Variants in GPHN observed in about 807,000 individuals in gnomAD.
The protein encoded by GPHN is gephyrin.
A neutral mutation model predicts 95.5 loss-of-function variants in GPHN; 17 were observed. The observed-to-expected ratio is 0.18, with a 90% CI of 0.12 to 0.27. GPHN has a LOEUF of 0.27. Among genes scored for constraint, GPHN ranks in the 10% least tolerant of loss-of-function variants. The pLI is 1.00. For synonymous variants in GPHN, 320 were observed against 322.5 expected, an observed-to-expected ratio of 0.99 and a Z score of 0.08; for missense variants, 660 against 978.1, an observed-to-expected ratio of 0.67 and a Z score of 4.34.
chr14:66,579,198 G>A (rs1414416902), intron 1 of GPHN, among the ~76,000 whole-genome samples: 1 of 151,776 alleles, frequency 6.6e-6, no homozygotes, highest in Non-Finnish European at 1.5e-5. Context: ...AAGAGCTACA[G>A]TAGATACATA....
the GPHN span, among the ~76,000 whole-genome samples, chr14:67,430,320 G>A: frequency 2.6e-5 from 4 of 152,152 alleles, no homozygotes; most frequent in Non-Finnish European, 4.4e-5. Flanking sequence ...ACGGGCCTAG[G>A]GAGGAAAAAT....
the GPHN span, among the ~76,000 whole-genome samples, chr14:67,288,144 A>C: frequency 1.3e-5 from 2 of 151,884 alleles, no homozygotes; most frequent in Non-Finnish European, 2.9e-5. Flanking sequence ...CAGTGGTGCG[A>C]TCTCCGCTCA....
At chr14:66,716,258 C>A (rs1436687095) in intron 2 of GPHN, among the ~76,000 whole-genome samples, 1 of 151,880 alleles carries the variant, frequency 6.6e-6, no homozygotes, top group Non-Finnish European at 1.5e-5. Context: ...ATATAATGTC[C>A]CTCTTTGTCT....
At chr14:67,404,635 C>T in the GPHN span, among the ~76,000 whole-genome samples, 1 of 151,996 alleles carries the variant, frequency 6.6e-6, no homozygotes, top group South Asian at 2.1e-4. Flanking sequence ...CACAGCAATA[C>T]CTAGTCTCTA....
At chr14:67,579,251 C>T in the GPHN span, 1 of 1,602,380 alleles carries the variant, frequency 6.2e-7, no homozygotes, top group Non-Finnish European at 8.5e-7. Flanking sequence ...TGCTGCGTAA[C>T]CCCTTCCACC....
At chr14:66,585,550 A>C (rs1305762879) in intron 1 of GPHN, among the ~76,000 whole-genome samples, 3 of 151,362 alleles carry the variant, frequency 2.0e-5, no homozygotes, top group Non-Finnish European at 3.0e-5. Flanking sequence ...CCCTCTACAC[A>C]CTGCTTTAAA....
At chr14:66,565,397 C>G (rs537242700) in intron 1 of GPHN, among the ~76,000 whole-genome samples, 1 of 152,086 alleles carries the variant, frequency 6.6e-6, no homozygotes, top group African/African-American at 2.4e-5. Context: ...CTCCCAGGCT[C>G]AAGTGATTCT....
chr14:67,060,027 A>G (rs1448883961), intron 11 of GPHN, among the ~76,000 whole-genome samples: 1 of 152,128 alleles, frequency 6.6e-6, no homozygotes, highest in Non-Finnish European at 1.5e-5. Context: ...TTTTCAGAAA[A>G]TATGAATGTA....
At chr14:66,731,220 C>T in intron 2 of GPHN, among the ~76,000 whole-genome samples, 1 of 152,100 alleles carries the variant, frequency 6.6e-6, no homozygotes. Context: ...ATACAGTAAA[C>T]TGGTAAAGTG....
chr14:67,662,925 T>G, the GPHN span: 1 of 1,165,804 alleles, frequency 8.6e-7, no homozygotes. Flanking sequence ...AAAAAAAGAA[T>G]GTTTACCAAT....
chr14:66,591,587 A>C (rs542424385), intron 1 of GPHN, among the ~76,000 whole-genome samples: 4 of 152,246 alleles, frequency 2.6e-5, no homozygotes, highest in South Asian at 2.1e-4. Flanking sequence ...CACTAAGAAT[A>C]CAACTTACAA....
At chr14:67,543,508 T>C in the GPHN span, among the ~76,000 whole-genome samples, 1 of 152,228 alleles carries the variant, frequency 6.6e-6, no homozygotes, top group Non-Finnish European at 1.5e-5. Flanking sequence ...CAGAACCACG[T>C]AGAGTGCTTG....
chr14:67,340,601 T>A, the GPHN span: 2 of 1,164,858 alleles, frequency 1.7e-6, no homozygotes, highest in East Asian at 2.4e-5. Context: ...ATAACAGTTA[T>A]TTTTTCCTAA....
intron 3 of GPHN, among the ~76,000 whole-genome samples, chr14:66,780,609 C>A (rs971840348): frequency 4.6e-5 from 7 of 150,788 alleles, no homozygotes; most frequent in African/African-American, 1.7e-4. Flanking sequence ...AAGCAGGATT[C>A]ATGGATGATA....
chr14:67,284,547 T>TAAAAGAAA, the GPHN span, among the ~76,000 whole-genome samples: 1 of 23,296 alleles, frequency 4.3e-5, no homozygotes, highest in Non-Finnish European at 9.8e-5. Flanking sequence ...GCTGCAGTGC[T>TAAAAGAAA]AAAAAAAAAA....
the GPHN span, chr14:67,302,329 G>GA: frequency 2.5e-6 from 3 of 1,180,942 alleles, no homozygotes; most frequent in Non-Finnish European, 3.3e-6. Context: ...TTGTTGAATG[G>GA]AAAAAATAGA....
chr14:67,432,394 C>T, the GPHN span, among the ~76,000 whole-genome samples: 9 of 152,216 alleles, frequency 5.9e-5, no homozygotes, highest in African/African-American at 1.9e-4. Context: ...CTGGAATGTG[C>T]CATAAATAGT....
intron 6 of GPHN, among the ~76,000 whole-genome samples, chr14:66,918,862 G>A (rs1358710889): frequency 3.9e-5 from 6 of 152,058 alleles, no homozygotes; most frequent in East Asian, 1.9e-4. Context: ...TACAAAGATA[G>A]GTCGAAAGAT....
chr14:66,811,410 A>G (rs2060756522), intron 3 of GPHN, among the ~76,000 whole-genome samples: 1 of 152,166 alleles, frequency 6.6e-6, no homozygotes, highest in African/African-American at 2.4e-5. Flanking sequence ...AAAGGTTTAA[A>G]ATTGGTTGTC....
Sources: allele counts gnomAD v4.1 joint callset (sites outside exome capture counted in the v4.1 genomes callset), GRCh38; gene constraint gnomAD v4.1.1; transcripts MANE v1.5; gene names NCBI Gene and HGNC (gene_info 2026-07-23, HGNC 2026-07-21).